Variants in SCP2 observed in about 807,000 individuals in gnomAD.
SCP2 encodes SCP-2/3-oxoacyl-CoA thiolase.
A neutral mutation model predicts 71.4 loss-of-function variants in SCP2; 48 were observed. The ratio of observed to expected loss-of-function variants is 0.67; its 90% CI spans 0.53 to 0.86. The LOEUF is 0.86. SCP2 is among the 40% of genes least tolerant of loss of function. The probability of loss-of-function intolerance (pLI) is 0.00; values close to 1 mark genes in which losing one functional copy is unlikely to be tolerated. For missense variants in SCP2, 560 were observed against 655.6 expected, an observed-to-expected ratio of 0.85 and a Z score of 1.59; for synonymous variants, 220 against 218.1, an observed-to-expected ratio of 1.01 and a Z score of -0.08.
chr1:53,037,906 A>ACACACACACACACCCC (rs1553155270), intron 13 of SCP2, among the ~76,000 whole-genome samples: 4 of 127,534 alleles, frequency 3.1e-5, no homozygotes, highest in African/African-American at 9.9e-5. Flanking sequence ...ACACACACAC[A>ACACACACACACACCCC]CACACACACA....
At chr1:53,021,695 A>G (rs1303744098) in intron 12 of SCP2, among the ~76,000 whole-genome samples, 6 of 135,256 alleles carry the variant, frequency 4.4e-5, no homozygotes, top group African/African-American at 1.4e-4. Context: ...CCCAGGCTGG[A>G]GTGCAGCAGT....
chr1:52,985,371 C>G lies in SCP2; in HGVS notation c.974-2658C>G, dbSNP rs114819058. 9.5e-3 allele frequency among the ~76,000 whole-genome samples: 1,450 copies of G among 152,284 alleles called. 32 individuals carry two copies. The highest frequency in any genetic ancestry group is 0.033 in the African/African-American group (1,383 of 41,550). On this transcript the variant is annotated intron_variant, in intron 10 of 15. Coordinates refer to ENST00000371514, the MANE Select transcript of SCP2 (RefSeq NM_002979.5). ...CCATCAGGCTTGAATTCTTTTCTCTCTCTCACAATCATCATTAAATCTATC... is the reference window on the plus strand; with the variant it reads ...CCATCAGGCTTGAATTCTTTTCTCTGTCTCACAATCATCATTAAATCTATC...
At chr1:53,019,131 T>G (rs1661542975) in intron 12 of SCP2, among the ~76,000 whole-genome samples, 1 of 152,212 alleles carries the variant, frequency 6.6e-6, no homozygotes, top group Non-Finnish European at 1.5e-5. Context: ...TGCATGAGGT[T>G]GTTTAACCCA....
chr1:52,928,247 T>TA (rs1652716547), intron 1 of SCP2, among the ~76,000 whole-genome samples: 1 of 152,238 alleles, frequency 6.6e-6, no homozygotes, highest in Non-Finnish European at 1.5e-5. Flanking sequence ...CTAAAGCTCA[T>TA]AGGCGTCTGC....
rs971971950 is a variant in SCP2 at position 53,050,423 on chromosome 1, G to C, written c.1549-186G>C. 10 of 543,412 alleles carry C rather than the reference G, an allele frequency of 1.8e-5. No homozygotes were observed. The Admixed American group carries it at 2.4e-4, about 13-fold the overall frequency. The allele number at this position is 543,412 out of a possible 1,614,324, so 33.7% of individuals were successfully genotyped here. ...CTTTCTGCTGATCTGCAAAAAGTGTGGCCTTTACAAATTCTTCCTTTTGAA... is the reference window on the plus strand; with the variant it reads ...CTTTCTGCTGATCTGCAAAAAGTGTCGCCTTTACAAATTCTTCCTTTTGAA... On this transcript the variant is annotated intron_variant, in intron 15 of 15. Coordinates refer to ENST00000371514, the MANE Select transcript of SCP2 (RefSeq NM_002979.5).
intron 14 of SCP2, among the ~76,000 whole-genome samples, chr1:53,039,396 G>A (rs938710907): frequency 2.6e-5 from 4 of 152,216 alleles, no homozygotes; most frequent in African/African-American, 9.7e-5. Context: ...AGGTTGGTAT[G>A]AAGATTAAGA....
intron 5 of SCP2, among the ~76,000 whole-genome samples, chr1:52,955,414 T>C (rs1020966957): frequency 1.3e-5 from 2 of 152,162 alleles, no homozygotes; most frequent in African/African-American, 4.8e-5. Context: ...ATTAAATTGA[T>C]ACTACGTAAG....
intron 11 of SCP2, among the ~76,000 whole-genome samples, chr1:52,990,515 G>C (rs1372534796): frequency 6.6e-6 from 1 of 151,718 alleles, no homozygotes; most frequent in African/African-American, 2.4e-5. Context: ...AACCAGGCAC[G>C]GTGGGTCAGG....
intron 14 of SCP2, among the ~76,000 whole-genome samples, chr1:53,044,904 C>T (rs996361366): frequency 2.0e-5 from 3 of 152,020 alleles, no homozygotes; most frequent in Admixed American, 2.0e-4. Context: ...ATTTTAAAAG[C>T]TTTGTATTAT....
chr1:53,010,192 A>G (rs1424801945), intron 11 of SCP2, among the ~76,000 whole-genome samples: 1 of 152,224 alleles, frequency 6.6e-6, no homozygotes, highest in Non-Finnish European at 1.5e-5. Flanking sequence ...ACTGTAAACT[A>G]GTTCAACCAT....
intron 11 of SCP2, chr1:52,993,640 T>C: frequency 6.2e-7 from 1 of 1,612,484 alleles, no homozygotes; most frequent in Admixed American, 1.7e-5. Flanking sequence ...CTCTGTCATC[T>C]ATCACACACT....
chr1:53,037,919 CACA>C lies in SCP2; in HGVS notation c.1339-997_1339-995del, dbSNP rs1316068487. Among the ~76,000 whole-genome samples, 261 of 126,700 alleles carry C rather than the reference CACA, an allele frequency of 2.1e-3. 1 individual carries two copies. The highest frequency in any genetic ancestry group is 7.6e-3 in the African/African-American group (233 of 30,506). 83.1% of individuals were successfully genotyped at this position (126,700 alleles called of 152,430 possible). A position where few individuals can be genotyped will look rare whatever the true frequency, so the allele number is the denominator to read the frequency against. On this transcript the variant is annotated intron_variant, in intron 13 of 15. Coordinates refer to ENST00000371514, the MANE Select transcript of SCP2 (RefSeq NM_002979.5). ...ACACACACACACACACACACACACA[CACA>C]CACACACAGATCCAGATCCTGTCTC... is the stretch of plus-strand genomic sequence containing the variant.
chr1:52,964,451 C>T (rs1398567308), intron 6 of SCP2, among the ~76,000 whole-genome samples: 1 of 151,942 alleles, frequency 6.6e-6, no homozygotes, highest in Non-Finnish European at 1.5e-5. Context: ...CCGCCCAACT[C>T]AGCCTCCCAA....
chr1:53,020,222 TAATC>T, intron 12 of SCP2, among the ~76,000 whole-genome samples: 2 of 152,256 alleles, frequency 1.3e-5, no homozygotes, highest in East Asian at 3.9e-4. Context: ...AAGAGTACCT[TAATC>T]AACTTTTTGA....
chr1:53,025,173 G>A (rs1662034662), intron 12 of SCP2, among the ~76,000 whole-genome samples: 1 of 152,132 alleles, frequency 6.6e-6, no homozygotes, highest in Non-Finnish European at 1.5e-5. Context: ...CCTTGTGGCA[G>A]CATTTGACAG....
chr1:53,023,244 A>C (rs4378148), intron 12 of SCP2, among the ~76,000 whole-genome samples: 9 of 152,060 alleles, frequency 5.9e-5, no homozygotes, highest in Admixed American at 5.9e-4. Flanking sequence ...GATAAAAGAC[A>C]CACCTGTGAC....
At chr1:52,928,923 C>T (rs926250207) in intron 1 of SCP2, among the ~76,000 whole-genome samples, 1 of 152,120 alleles carries the variant, frequency 6.6e-6, no homozygotes, top group Non-Finnish European at 1.5e-5. Context: ...GCAGTCAAAC[C>T]TTCCTCTGGC....
intron 12 of SCP2, among the ~76,000 whole-genome samples, chr1:53,016,814 T>C (rs1334669368): frequency 2.0e-5 from 3 of 152,300 alleles, no homozygotes; most frequent in East Asian, 3.9e-4. Flanking sequence ...TGGAAAGATA[T>C]TCTTTAGCAA....
At chr1:52,942,442 C>A (rs1654338843) in intron 2 of SCP2, among the ~76,000 whole-genome samples, 1 of 152,076 alleles carries the variant, frequency 6.6e-6, no homozygotes. Flanking sequence ...TCCTGGTTCT[C>A]TAAGCATTCA....
Sources: allele counts gnomAD v4.1 joint callset (sites outside exome capture counted in the v4.1 genomes callset), GRCh38; gene constraint gnomAD v4.1.1; transcripts MANE v1.5; gene names NCBI Gene and HGNC (gene_info 2026-07-23, HGNC 2026-07-21).